VOPP1: variants seen among roughly 807,000 people sequenced by gnomAD.
VOPP1 encodes the protein VOPP1 WW domain binding protein.
Under a neutral mutation model 23.5 loss-of-function variants are expected in VOPP1, and 8 were observed. That is an observed-to-expected ratio of 0.34 (90% confidence interval 0.20 to 0.61). The LOEUF is 0.61. VOPP1 is among the 20% of genes least tolerant of loss of function. The pLI, the probability that VOPP1 is intolerant of heterozygous loss-of-function variation, is 0.78. For missense variants in VOPP1, 174 were observed against 238.1 expected, an observed-to-expected ratio of 0.73 and a Z score of 1.77; for synonymous variants, 83 against 97.3, an observed-to-expected ratio of 0.85 and a Z score of 0.86.
rs750724356 is a variant in VOPP1 at position 55,520,880 on chromosome 7, C to G, written c.113+192G>C. Among the ~76,000 whole-genome samples the G allele has an allele frequency of 2.0e-5, 3 of 152,356 alleles. No homozygotes were observed. In the East Asian group the frequency reaches 5.8e-4, roughly 29 times the overall value. On this transcript the variant is annotated intron_variant, in intron 2 of 4. Transcript: ENST00000285279. ...GCACAGAATTTCAGGCTGTCCTCAA[C>G]GTAACTGGTCTGAGTGGGCCAGACA... is the stretch of plus-strand genomic sequence containing the variant.
chr7:55,541,366 TCAA>T (rs1371914569), intron 1 of VOPP1, among the ~76,000 whole-genome samples: 6 of 152,238 alleles, frequency 3.9e-5, no homozygotes, highest in East Asian at 3.9e-4. Flanking sequence ...GAAAAGAAGC[TCAA>T]CAACATTAGT....
At chr7:55,520,125 TC>T (rs1285829651) in intron 2 of VOPP1, among the ~76,000 whole-genome samples, 3 of 152,014 alleles carry the variant, frequency 2.0e-5, no homozygotes, top group African/African-American at 7.2e-5. Context: ...GGACTCCACC[TC>T]AAATAATAAT....
intron 2 of VOPP1, among the ~76,000 whole-genome samples, chr7:55,503,543 A>G (rs1794508031): frequency 6.6e-6 from 1 of 152,252 alleles, no homozygotes; most frequent in Non-Finnish European, 1.5e-5. Flanking sequence ...TCAGTTTGTA[A>G]ACCTTTCCAT....
At chr7:55,539,511 C>G (rs1363230357) in intron 1 of VOPP1, 1 of 152,226 alleles carries the variant, frequency 6.6e-6, no homozygotes, top group Admixed American at 6.5e-5. Context: ...AAGATTCAAC[C>G]AAACTGAATT....
intron 1 of VOPP1, chr7:55,552,762 G>A: frequency 6.5e-7 from 1 of 1,531,290 alleles, no homozygotes. Context: ...TTCACGCAGA[G>A]AGGCAGCAAG....
intron 4 of VOPP1, among the ~76,000 whole-genome samples, chr7:55,476,395 C>T (rs1167515982): frequency 1.3e-5 from 2 of 150,558 alleles, no homozygotes; most frequent in Non-Finnish European, 3.0e-5. Context: ...GGACCTGCCA[C>T]CTCTCTAGCC....
At chr7:55,519,524 G>A (rs1433343001) in intron 2 of VOPP1, among the ~76,000 whole-genome samples, 2 of 149,570 alleles carry the variant, frequency 1.3e-5, no homozygotes, top group Non-Finnish European at 2.9e-5. Context: ...GGAAATAGGC[G>A]TACTGATGAA....
intron 4 of VOPP1, among the ~76,000 whole-genome samples, chr7:55,489,722 T>C (rs1189190013): frequency 6.6e-6 from 1 of 152,152 alleles, no homozygotes; most frequent in South Asian, 2.1e-4. Flanking sequence ...ATTCCGACCC[T>C]GGTTTACCAG....
At chr7:55,479,494 T>C (rs1297883296) in intron 4 of VOPP1, among the ~76,000 whole-genome samples, 4 of 152,206 alleles carry the variant, frequency 2.6e-5, no homozygotes, top group African/African-American at 4.8e-5. Context: ...TCTCAACTCT[T>C]AGAAATATTT....
chr7:55,476,156 T>A (rs1194419146), intron 4 of VOPP1, among the ~76,000 whole-genome samples: 3 of 152,204 alleles, frequency 2.0e-5, no homozygotes, highest in Non-Finnish European at 4.4e-5. Flanking sequence ...CGGGCTGCAC[T>A]CACACCCTTG....
At position 55,492,437 on chromosome 7, in the gene VOPP1, T is replaced by C; in HGVS notation, c.192-19A>G. 1 of 1,592,848 alleles carries C rather than the reference T, an allele frequency of 6.3e-7. No individual in the cohort carries two copies. ...AAGGAACCTGAGGAGAGTACAGACG[T>C]GAGGGTGGTGCTCCCAGGTGGGGGC... On this transcript the variant is annotated intron_variant, in intron 3 of 4. Transcript: ENST00000285279.
At chr7:55,539,722 C>A (rs1797025656) in intron 1 of VOPP1, 1 of 152,264 alleles carries the variant, frequency 6.6e-6, no homozygotes, top group Non-Finnish European at 1.5e-5. Context: ...TGAAGGGAGA[C>A]TGCCTTCCTG....
At chr7:55,490,389 G>A (rs1334807658) in intron 4 of VOPP1, among the ~76,000 whole-genome samples, 2 of 152,114 alleles carry the variant, frequency 1.3e-5, no homozygotes, top group East Asian at 3.9e-4. Flanking sequence ...CCAGAAAGGA[G>A]TGCACATAGG....
chr7:55,521,212 G>T, intron 1 of VOPP1, 82 bp from the exon 2 acceptor site: 1 of 1,394,022 alleles, frequency 7.2e-7, no homozygotes. Context: ...GCAGAAAGAA[G>T]GATGAGAAGA....
intron 1 of VOPP1, among the ~76,000 whole-genome samples, chr7:55,569,228 T>C (rs951962891): frequency 1.3e-5 from 2 of 152,200 alleles, no homozygotes; most frequent in African/African-American, 4.8e-5. Flanking sequence ...CCTGAAGCCC[T>C]ACCTGGGCTT....
intron 2 of VOPP1, 73 bp downstream of exon 2, chr7:55,520,999 G>A: frequency 6.7e-7 from 1 of 1,502,390 alleles, no homozygotes; most frequent in Non-Finnish European, 9.0e-7. Context: ...CCCACACCCA[G>A]AACTTTAGCA....
chr7:55,495,049 C>A lies in VOPP1; in HGVS notation c.191+2564G>T, dbSNP rs543154429. On this transcript the variant is annotated intron_variant, in intron 3 of 4. Transcript: ENST00000285279. ...CAATTTGTTTTTTGATTCCTCCCCC[C>A]GACCCCCCAGCCCCGAGTGTAGCAG... Among the ~76,000 whole-genome samples the A allele has an allele frequency of 2.0e-5, 3 of 152,126 alleles. 1 individual carries two copies. In the Middle Eastern group the frequency reaches 0.01, roughly 517 times the overall value.
intron 4 of VOPP1, among the ~76,000 whole-genome samples, chr7:55,443,541 G>A (rs1174189871): frequency 3.3e-5 from 5 of 152,064 alleles, no homozygotes; most frequent in African/African-American, 1.2e-4. Context: ...GCAACAGAGA[G>A]AGACTCTGTC....
At chr7:55,524,558 C>A (rs1796054849) in intron 1 of VOPP1, among the ~76,000 whole-genome samples, 1 of 152,170 alleles carries the variant, frequency 6.6e-6, no homozygotes, top group South Asian at 2.1e-4. Flanking sequence ...TGGCATGATT[C>A]CATTTGACAG....
Sources: allele counts gnomAD v4.1 joint callset (sites outside exome capture counted in the v4.1 genomes callset), GRCh38; gene constraint gnomAD v4.1.1; transcripts MANE v1.5; gene names NCBI Gene and HGNC (gene_info 2026-07-23, HGNC 2026-07-21).